Variants in SUGCT observed in about 807,000 individuals in gnomAD.
SUGCT encodes the protein succinyl-CoA:glutarate-CoA transferase, also known as succinyl-CoA:glutarate CoA-transferase.
SUGCT carries 41 observed loss-of-function variants against 55.0 expected under a neutral mutation model. The ratio of observed to expected loss-of-function variants is 0.74; its 90% CI spans 0.58 to 0.97. SUGCT has a LOEUF of 0.97. SUGCT is among the 50% of genes least tolerant of loss of function. The pLI is 0.00. For synonymous variants in SUGCT, 187 were observed against 200.4 expected, an observed-to-expected ratio of 0.93 and a Z score of 0.56; for missense variants, 568 against 547.8, an observed-to-expected ratio of 1.04 and a Z score of -0.37.
intron 9 of SUGCT, among the ~76,000 whole-genome samples, chr7:40,363,933 AT>A (rs1437299385): frequency 6.6e-6 from 1 of 152,114 alleles, no homozygotes; most frequent in Non-Finnish European, 1.5e-5. Flanking sequence ...TCCCGTTATT[AT>A]TGTGTGGGAG....
At chr7:40,365,922 T>A (rs1783927905) in intron 9 of SUGCT, among the ~76,000 whole-genome samples, 1 of 152,140 alleles carries the variant, frequency 6.6e-6, no homozygotes, top group South Asian at 2.1e-4. Context: ...ACTTTAAAAT[T>A]CATATGGAAC....
At chr7:40,582,920 C>T (rs1421279670) in intron 12 of SUGCT, among the ~76,000 whole-genome samples, 2 of 152,056 alleles carry the variant, frequency 1.3e-5, no homozygotes, top group Non-Finnish European at 2.9e-5. Context: ...ATTAGTATAT[C>T]CTAAATATTG....
At chr7:40,750,154 C>A (rs529455327) in intron 13 of SUGCT, among the ~76,000 whole-genome samples, 89 of 152,318 alleles carry the variant, frequency 5.8e-4, no homozygotes, top group African/African-American at 2.1e-3. Context: ...TTAAGTGGTG[C>A]ATTTAAACTG....
At chr7:40,499,089 G>A (rs971232492) in intron 12 of SUGCT, 4 of 456,590 alleles carry the variant, frequency 8.8e-6, no homozygotes, top group African/African-American at 2.0e-5. Flanking sequence ...GGCCACTTCT[G>A]TTCAGATGTG....
At chr7:40,370,882 C>T (rs1230912890) in intron 9 of SUGCT, among the ~76,000 whole-genome samples, 1 of 151,994 alleles carries the variant, frequency 6.6e-6, no homozygotes, top group Non-Finnish European at 1.5e-5. Context: ...TAACAATAGG[C>T]TTAGTGTTCA....
In SUGCT at chr7:40,519,783, T is replaced by C. The variant is rs192277997; in HGVS notation, c.1089+23397T>C. Among the ~76,000 whole-genome samples the C allele has an allele frequency of 3.0e-3, 455 of 152,224 alleles. 1 individual carries two copies. The highest frequency in any genetic ancestry group is 0.01 in the Middle Eastern group (3 of 294). ...GTTAATAATTAATAAAAATTACTTT[T>C]CCTTCCAGTAGGAGAAACCTATATT... On this transcript the variant is annotated intron_variant, in intron 12 of 13. Coordinates refer to ENST00000335693, the MANE Select transcript of SUGCT (RefSeq NM_001193313.2).
chr7:40,433,998 A>G (rs1321957327), intron 9 of SUGCT, among the ~76,000 whole-genome samples: 1 of 152,160 alleles, frequency 6.6e-6, no homozygotes, highest in Admixed American at 6.5e-5. Flanking sequence ...TATACATACC[A>G]CATATGTTAT....
At chr7:40,815,864 T>C (rs1310212137) in intron 13 of SUGCT, among the ~76,000 whole-genome samples, 1 of 152,198 alleles carries the variant, frequency 6.6e-6, no homozygotes, top group Non-Finnish European at 1.5e-5. Flanking sequence ...AGAGCTCTGC[T>C]GTACCACAGT....
intron 12 of SUGCT, among the ~76,000 whole-genome samples, chr7:40,592,877 T>A (rs1797804417): frequency 6.6e-6 from 1 of 152,204 alleles, no homozygotes; most frequent in Admixed American, 6.5e-5. Context: ...GTCAGGGATA[T>A]CAGTTGTACA....
intron 12 of SUGCT, among the ~76,000 whole-genome samples, chr7:40,564,407 A>G (rs1232457562): frequency 1.3e-5 from 2 of 152,208 alleles, no homozygotes; most frequent in East Asian, 3.8e-4. Context: ...AAATAAAATA[A>G]AATAAATGCA....
intron 12 of SUGCT, among the ~76,000 whole-genome samples, chr7:40,686,190 C>T (rs1387494307): frequency 6.6e-6 from 1 of 151,924 alleles, no homozygotes; most frequent in South Asian, 2.1e-4. Context: ...TTCACTTTGT[C>T]ATGTTTGAGG....
At chr7:40,684,012 G>A in intron 12 of SUGCT, 1 of 1,609,696 alleles carries the variant, frequency 6.2e-7, no homozygotes, top group Non-Finnish European at 8.5e-7. Context: ...AATCCTTGTG[G>A]TTGTATGACT....
intron 1 of SUGCT, among the ~76,000 whole-genome samples, chr7:40,138,262 C>T (rs1482404031): frequency 6.6e-6 from 1 of 152,166 alleles, no homozygotes; most frequent in Non-Finnish European, 1.5e-5. Context: ...TTTTCTGTGC[C>T]TGAGTGATTT....
chr7:40,321,153 G>A (rs1306655769), intron 9 of SUGCT, among the ~76,000 whole-genome samples: 2 of 138,466 alleles, frequency 1.4e-5, no homozygotes, highest in South Asian at 2.2e-4. Flanking sequence ...TCGGCTCACT[G>A]CAACCTCTGC....
chr7:40,570,472 T>G (rs1018228739), intron 12 of SUGCT, among the ~76,000 whole-genome samples: 2 of 152,126 alleles, frequency 1.3e-5, no homozygotes, highest in Admixed American at 1.3e-4. Flanking sequence ...TGGTTAGAGC[T>G]TAATGTGAGA....
At chr7:40,442,056 G>C (rs1260590378) in intron 9 of SUGCT, among the ~76,000 whole-genome samples, 3 of 152,088 alleles carry the variant, frequency 2.0e-5, no homozygotes, top group Non-Finnish European at 4.4e-5. Context: ...AGGTTTTGAC[G>C]ATAGTGATGT....
rs576303116 is a variant in SUGCT at position 40,215,289 on chromosome 7, C to T, written c.484+20229C>T. Among the ~76,000 whole-genome samples the T allele has an allele frequency of 1.5e-4, 23 of 152,082 alleles. 1 individual carries two copies. Among genetic ancestry groups the T allele is most frequent in the African/African-American group, 2.6e-4 (11 of 41,516 alleles). On this transcript the variant is annotated intron_variant, in intron 6 of 13. Transcript: ENST00000335693. ...TCCCAAGTAGCTGGGACTACAGGCG[C>T]GTGCCACCATGCTCAGATAATTTTT...
chr7:40,247,826 CATTTT>C (rs1369094683), intron 7 of SUGCT, among the ~76,000 whole-genome samples: 3 of 152,022 alleles, frequency 2.0e-5, no homozygotes, highest in African/African-American at 7.2e-5. Context: ...TGTGGTTTGC[CATTTT>C]ATTATCATAA....
At chr7:40,635,303 AAAAAC>A (rs1799976313) in intron 12 of SUGCT, among the ~76,000 whole-genome samples, 1 of 152,140 alleles carries the variant, frequency 6.6e-6, no homozygotes, top group African/African-American at 2.4e-5. Context: ...GAAAAAAACA[AAAAAC>A]AAAACAAAAA....
Sources: gnomAD v4.1 joint callset for allele counts (sites outside exome capture counted in the v4.1 genomes callset) on GRCh38, gnomAD v4.1.1 for gene constraint, MANE v1.5 for transcripts, NCBI Gene and HGNC (gene_info 2026-07-23, HGNC 2026-07-21) for gene names.